RASGRF1: variants seen among roughly 807,000 people sequenced by gnomAD.
RASGRF1 encodes Ras protein specific guanine nucleotide releasing factor 1, also known as ras-specific guanine nucleotide-releasing factor 1.
A neutral mutation model predicts 138.7 loss-of-function variants in RASGRF1; 40 were observed. That is an observed-to-expected ratio of 0.29 (90% CI 0.22 to 0.38). The LOEUF (loss-of-function observed/expected upper bound fraction) is 0.38, where lower values mean the gene tolerates loss of function less well. RASGRF1 is among the 10% of genes least tolerant of loss of function. The pLI is 1.00. For missense variants in RASGRF1, 1,108 were observed against 1,650.4 expected (o/e 0.67, Z 5.69); for synonymous variants, 614 against 663.2 (o/e 0.93, Z 1.14).
chr15:79,052,212 G>GCACGGTGCA (rs942149559), intron 3 of RASGRF1, among the ~76,000 whole-genome samples: 3 of 152,094 alleles, frequency 2.0e-5, no homozygotes, highest in African/African-American at 7.2e-5. Context: ...CCTGCTTTGG[G>GCACGGTGCA]CACGGTGCAA....
rs138807335 is a variant in RASGRF1, at chr15:79,008,863, C to T, written c.1827-2429G>A. 6.0e-3 allele frequency among the ~76,000 whole-genome samples: 908 copies of T among 152,296 alleles called. 1 individual carries two copies. The highest frequency in any genetic ancestry group is 9.5e-3 in the Non-Finnish European group (644 of 68,024). The stretch of plus-strand genomic sequence containing the variant: ...GACTCCGTGACGATGTGCAGCGCTC[C>T]GGAAAGATGCTTTGAGGACAAAGCA... On this transcript the variant is annotated intron_variant, in intron 13 of 26. Coordinates refer to ENST00000558480, the MANE Select transcript of RASGRF1 (RefSeq NM_001145648.3).
chr15:79,003,674 G>T, intron 15 of RASGRF1, 128 bp downstream of exon 15: 4 of 1,393,608 alleles, frequency 2.9e-6, no homozygotes, highest in Non-Finnish European at 3.8e-6. Context: ...CTGCCTGGTG[G>T]GACCCCCAAG....
intron 5 of RASGRF1, among the ~76,000 whole-genome samples, chr15:79,038,164 CT>C (rs769760010): frequency 1.4e-4 from 22 of 152,250 alleles, no homozygotes; most frequent in Non-Finnish European, 2.5e-4. Context: ...TTGGGGACCC[CT>C]GATATATAGG....
At position 78,960,547 on chromosome 15, in the gene RASGRF1, T is replaced by C. The variant is rs1475638563; in HGVS notation, c.*1597A>G. The C allele has an allele frequency of 1.3e-5, 2 of 152,446 alleles. No homozygotes were observed. Among genetic ancestry groups the C allele is most frequent in the Non-Finnish European group, 2.9e-5 (2 of 68,258 alleles). The allele number at this position is 152,446 out of a possible 1,614,324, so 9.4% of individuals were successfully genotyped here. A position where few individuals can be genotyped will look rare whatever the true frequency, so the allele number is the denominator to read the frequency against. On this transcript the variant is annotated 3_prime_UTR_variant, in exon 27 of 27. Transcript: ENST00000558480. The stretch of plus-strand genomic sequence containing the variant: ...CATCCAGCCATGTGACAGCGCCATC[T>C]TGGTGCACCAACTAGAGCACCACCC...
Position 78,999,926 on chromosome 15 carries a change from G to A in RASGRF1, c.2576-13C>T, listed in dbSNP as rs771204525. ...AAGAGTGGGAACTCTGCAGAGAGGAGGGAACCAACCCTCAGCTGTCCCCAG... is the reference window on the plus strand; with the variant it reads ...AAGAGTGGGAACTCTGCAGAGAGGAAGGAACCAACCCTCAGCTGTCCCCAG... On this transcript the variant is annotated splice_polypyrimidine_tract_variant and intron_variant, in intron 16 of 26. Coordinates refer to ENST00000558480, the MANE Select transcript of RASGRF1 (RefSeq NM_001145648.3). 8.7e-6 allele frequency: 14 copies of A among 1,612,396 alleles called. No homozygotes were observed. The highest frequency in any genetic ancestry group is 2.5e-6 in the Non-Finnish European group (3 of 1,178,680).
chr15:78,984,808 A>AC (rs3840034), intron 23 of RASGRF1, 199 bp downstream of exon 23: 168,533 of 623,266 alleles, frequency 0.27, 24,078 homozygotes, highest in African/African-American at 0.41. Flanking sequence ...ATTACAGTCC[A>AC]GGTCTCACTG....
chr15:79,002,536 A>G (rs116632283), intron 15 of RASGRF1, among the ~76,000 whole-genome samples: 1,763 of 152,280 alleles, frequency 0.012, 39 homozygotes, highest in African/African-American at 0.04. Context: ...ACATTTATAC[A>G]TAACAAATAC....
At chr15:78,965,437 C>T (rs766172832) in intron 26 of RASGRF1, among the ~76,000 whole-genome samples, 1 of 152,294 alleles carries the variant, frequency 6.6e-6, no homozygotes, top group East Asian at 1.9e-4. Flanking sequence ...CAGAAACCAA[C>T]CGTTACTCAT....
intron 26 of RASGRF1, among the ~76,000 whole-genome samples, chr15:78,969,519 A>C (rs1027255044): frequency 1.3e-5 from 2 of 152,122 alleles, no homozygotes; most frequent in African/African-American, 4.8e-5. Flanking sequence ...ACGTACAAAA[A>C]TTAGCCGGGC....
chr15:79,067,295 C>T (rs148519293), intron 1 of RASGRF1, among the ~76,000 whole-genome samples: 136 of 152,248 alleles, frequency 8.9e-4, no homozygotes, highest in African/African-American at 3.1e-3. Flanking sequence ...AGGGCCTCCA[C>T]CTTAAGAAGA....
chr15:79,040,616 A>G (rs1023107975), intron 5 of RASGRF1, among the ~76,000 whole-genome samples: 1 of 151,702 alleles, frequency 6.6e-6, no homozygotes, highest in African/African-American at 2.4e-5. Flanking sequence ...CTTTGTTCAC[A>G]TAGCTCTTCT....
At position 79,015,320 on chromosome 15, in the gene RASGRF1, CACTT is replaced by C; in HGVS notation, c.1826+3_1826+6del. ...TGCCTGGTCAAGATGGGGTTAAGGGCACTTACTTGATCATCTGCGGCACAGTGAC... is the reference window on the plus strand; with the variant it reads ...TGCCTGGTCAAGATGGGGTTAAGGGCACTTGATCATCTGCGGCACAGTGAC... On this transcript the variant is annotated splice_donor_5th_base_variant and intron_variant, in intron 13 of 26. Transcript: ENST00000558480. The C allele has an allele frequency of 6.2e-7, 1 of 1,610,484 alleles. No homozygotes were observed. Among genetic ancestry groups the C allele is most frequent in the Non-Finnish European group, 8.5e-7 (1 of 1,176,650 alleles).
chr15:79,009,309 A>AAACTGTG (rs2056746662), intron 13 of RASGRF1, among the ~76,000 whole-genome samples: 1 of 152,246 alleles, frequency 6.6e-6, no homozygotes, highest in Admixed American at 6.5e-5. Context: ...GGAAGGTGAG[A>AAACTGTG]AACTGTGAAG....
Position 79,046,703 on chromosome 15 carries a change from A to C in RASGRF1, c.878+43T>G, listed in dbSNP as rs1323830705. ...CAAAGCTTAGCTGCGGCCAATGCTC[A>C]CTAGTCTCCTTCCTGCCTTGGCCAA... On this transcript the variant is annotated intron_variant, in intron 5 of 26. Coordinates refer to ENST00000558480, the MANE Select transcript of RASGRF1 (RefSeq NM_001145648.3). This position sits in a 1 kb window ranked among gnomAD's most constrained non-coding sequence, Gnocchi z 5.3. The C allele has an allele frequency of 6.2e-7, 1 of 1,607,370 alleles. No individual in the cohort carries two copies. The highest frequency in any genetic ancestry group is 8.5e-7 in the Non-Finnish European group (1 of 1,174,468).
At position 78,961,203 on chromosome 15, in the gene RASGRF1, G is replaced by C. The variant is rs1337215903; in HGVS notation, c.*941C>G. The stretch of plus-strand genomic sequence containing the variant: ...ATTCCTGCTAGAAGGCATTTAGACA[G>C]GACTACAGTATATGCAATAAAAACA... On this transcript the variant is annotated 3_prime_UTR_variant, in exon 27 of 27. Coordinates refer to ENST00000558480, the MANE Select transcript of RASGRF1 (RefSeq NM_001145648.3). The C allele has an allele frequency of 6.6e-6, 1 of 152,176 alleles. No homozygotes were observed. Among genetic ancestry groups the C allele is most frequent in the Non-Finnish European group, 1.5e-5 (1 of 68,040 alleles). The allele number at this position is 152,176 out of a possible 1,614,324, so 9.4% of individuals were successfully genotyped here.
At chr15:78,967,665 A>G (rs1415800810) in intron 26 of RASGRF1, among the ~76,000 whole-genome samples, 1 of 152,134 alleles carries the variant, frequency 6.6e-6, no homozygotes, top group Non-Finnish European at 1.5e-5. Flanking sequence ...TGTTTTACAT[A>G]TTTCTTCCAG....
intron 1 of RASGRF1, among the ~76,000 whole-genome samples, chr15:79,086,582 C>A (rs990221181): frequency 2.0e-5 from 3 of 151,622 alleles, no homozygotes; most frequent in Non-Finnish European, 4.4e-5. Context: ...AAGACCCCCC[C>A]CCCCCAGCTT....
intron 26 of RASGRF1, among the ~76,000 whole-genome samples, 181 bp from the exon 27 acceptor site, chr15:78,962,417 G>A (rs1218147395): frequency 6.6e-6 from 1 of 152,190 alleles, no homozygotes; most frequent in African/African-American, 2.4e-5. Flanking sequence ...GTCGACGTAA[G>A]TATTGTCTTA....
At chr15:78,968,416 C>T (rs1334824012) in intron 26 of RASGRF1, among the ~76,000 whole-genome samples, 3 of 151,902 alleles carry the variant, frequency 2.0e-5, no homozygotes, top group Admixed American at 1.3e-4. Context: ...TGACTACAGG[C>T]GTGCACCACC....
Sources: gnomAD v4.1 joint callset for allele counts (sites outside exome capture counted in the v4.1 genomes callset) on GRCh38, gnomAD v4.1.1 for gene constraint, Gnocchi (gnomAD v3.1) non-coding constraint, MANE v1.5 for transcripts, NCBI Gene and HGNC (gene_info 2026-07-23, HGNC 2026-07-21) for gene names.